NALF1: variants seen among roughly 807,000 people sequenced by gnomAD.
NALF1 encodes the protein family with sequence similarity 155 member A.
In NALF1, 3 loss-of-function variants were observed where a neutral mutation model predicts 48.4. The ratio of observed to expected loss-of-function variants is 0.06; its 90% confidence interval spans 0.03 to 0.16. The LOEUF is 0.16. Among genes scored for constraint, NALF1 ranks in the 10% least tolerant of loss-of-function variants. The pLI is 1.00. For synonymous variants in NALF1, 262 were observed against 245.7 expected (o/e 1.07, Z -0.62); for missense variants, 526 against 571.5 (o/e 0.92, Z 0.81).
chr13:107,437,813 T>C (rs1884487153), intron 1 of NALF1, among the ~76,000 whole-genome samples: 1 of 152,078 alleles, frequency 6.6e-6, no homozygotes, highest in African/African-American at 2.4e-5. Flanking sequence ...CAGTATTAAC[T>C]TAAGATTTGT....
intron 1 of NALF1, among the ~76,000 whole-genome samples, chr13:107,692,770 C>T (rs1881596172): frequency 6.6e-6 from 1 of 152,102 alleles, no homozygotes; most frequent in Admixed American, 6.6e-5. Context: ...TATGGCTATG[C>T]CAAACCAACA....
At chr13:107,331,101 C>G (rs1164902199) in intron 1 of NALF1, among the ~76,000 whole-genome samples, 7 of 152,082 alleles carry the variant, frequency 4.6e-5, no homozygotes, top group Admixed American at 3.9e-4. Context: ...TTTAAATATT[C>G]ACTTTTTCTA....
chr13:107,381,529 C>A (rs1201109955), intron 1 of NALF1, among the ~76,000 whole-genome samples: 1 of 152,108 alleles, frequency 6.6e-6, no homozygotes, highest in Non-Finnish European at 1.5e-5. Flanking sequence ...TATTATAGCC[C>A]TTTCTGCCAC....
chr13:107,609,468 T>C (rs1481232680), intron 1 of NALF1, among the ~76,000 whole-genome samples: 2 of 152,210 alleles, frequency 1.3e-5, no homozygotes, highest in African/African-American at 4.8e-5. Flanking sequence ...GCCTGGCCTC[T>C]GCTCCTGCTC....
intron 1 of NALF1, among the ~76,000 whole-genome samples, chr13:107,861,628 C>T (rs1269279167): frequency 6.6e-6 from 1 of 152,092 alleles, no homozygotes; most frequent in Non-Finnish European, 1.5e-5. Flanking sequence ...ATGAAAAATA[C>T]AAAAAATTAG....
intron 1 of NALF1, among the ~76,000 whole-genome samples, chr13:107,325,849 C>CAT (rs748454208): frequency 7.6e-5 from 4 of 52,632 alleles, no homozygotes; most frequent in African/African-American, 2.7e-4. Flanking sequence ...TCAACACACA[C>CAT]ACACACATAT....
At chr13:107,221,766 G>T (rs191701736) in intron 1 of NALF1, among the ~76,000 whole-genome samples, 5 of 152,000 alleles carry the variant, frequency 3.3e-5, no homozygotes, top group African/African-American at 9.7e-5. Context: ...GACAGGGTGG[G>T]CTTTTAGGTC....
chr13:107,385,552 C>CAAAAAAAAAAAAA (rs201307018), intron 1 of NALF1, among the ~76,000 whole-genome samples: 5 of 118,286 alleles, frequency 4.2e-5, no homozygotes, highest in African/African-American at 6.7e-5. Context: ...GATTCCATCT[C>CAAAAAAAAAAAAA]AAAAAAAAAA....
intron 1 of NALF1, among the ~76,000 whole-genome samples, chr13:107,607,158 A>T (rs2138429154): frequency 6.6e-6 from 1 of 152,350 alleles, no homozygotes; most frequent in African/African-American, 2.4e-5. Flanking sequence ...CCCAAAATGT[A>T]GGAAACCTAA....
In NALF1 at chr13:107,170,317, GTCAATAAAAA is replaced by G; in HGVS notation, c.*170_*179del. The G allele has an allele frequency of 1.8e-6, 1 of 555,756 alleles. No homozygotes were observed. The highest frequency in any genetic ancestry group is 3.2e-6 in the Non-Finnish European group (1 of 317,446). 34.4% of individuals were successfully genotyped at this position (555,756 alleles called of 1,614,324 possible). A position where few individuals can be genotyped will look rare whatever the true frequency, so the allele number is the denominator to read the frequency against. Reference sequence around the variant, plus strand: ...TTTAAAGTCACTTTCCAGCCTTTTAGTCAATAAAAAGCTGTGGTTGTGTCCTTGTTTGGAT... The same window carrying G: ...TTTAAAGTCACTTTCCAGCCTTTTAGGCTGTGGTTGTGTCCTTGTTTGGAT... On this transcript the variant is annotated 3_prime_UTR_variant, in exon 3 of 3. Transcript: ENST00000375915.
At chr13:107,248,256 T>C (rs1039367229) in intron 1 of NALF1, among the ~76,000 whole-genome samples, 2 of 152,094 alleles carry the variant, frequency 1.3e-5, no homozygotes, top group Non-Finnish European at 1.5e-5. Flanking sequence ...CAGGTAATCG[T>C]TGAAATTTGG....
chr13:107,290,647 T>G (rs1266135525), intron 1 of NALF1, among the ~76,000 whole-genome samples: 1 of 152,174 alleles, frequency 6.6e-6, no homozygotes, highest in Non-Finnish European at 1.5e-5. Context: ...AATTATCCAG[T>G]CTCGCGGGTA....
intron 1 of NALF1, among the ~76,000 whole-genome samples, chr13:107,493,672 T>A (rs959289918): frequency 6.6e-6 from 1 of 151,192 alleles, no homozygotes; most frequent in Admixed American, 6.6e-5. Context: ...AGTCCAGGAG[T>A]TCAAGACCAG....
intron 1 of NALF1, among the ~76,000 whole-genome samples, chr13:107,306,890 G>A (rs902191059): frequency 1.3e-5 from 2 of 152,288 alleles, no homozygotes; most frequent in African/African-American, 4.8e-5. Context: ...GCTTGAGCCC[G>A]GGAGGTCGGG....
At chr13:107,727,519 A>C (rs1434516103) in intron 1 of NALF1, among the ~76,000 whole-genome samples, 1 of 152,092 alleles carries the variant, frequency 6.6e-6, no homozygotes, top group African/African-American at 2.4e-5. Context: ...CAGCAGTGGG[A>C]CTCTGCTACA....
intron 1 of NALF1, among the ~76,000 whole-genome samples, chr13:107,838,097 T>C (rs1490311007): frequency 3.3e-5 from 5 of 152,168 alleles, no homozygotes; most frequent in African/African-American, 1.2e-4. Flanking sequence ...GAAGTACTTG[T>C]GAAGGAATGG....
Position 107,165,034 on chromosome 13 carries a change from T to A in NALF1, c.*5463A>T, listed in dbSNP as rs1046848452. 5.3e-5 allele frequency: 8 copies of A among 152,328 alleles called. No homozygotes were observed. Among genetic ancestry groups the A allele is most frequent in the African/African-American group, 1.7e-4 (7 of 41,584 alleles). 9.4% of individuals were successfully genotyped at this position (152,328 alleles called of 1,614,324 possible). ...GAGGTGTCACGTACAAATACATCATTGACCTCCCTGTGTCACCTGGAGCCA... is the reference window on the plus strand; with the variant it reads ...GAGGTGTCACGTACAAATACATCATAGACCTCCCTGTGTCACCTGGAGCCA... On this transcript the variant is annotated 3_prime_UTR_variant, in exon 3 of 3. Coordinates refer to ENST00000375915, the MANE Select transcript of NALF1 (RefSeq NM_001080396.3).
At chr13:107,532,996 C>A (rs1234275607) in intron 1 of NALF1, among the ~76,000 whole-genome samples, 1 of 152,010 alleles carries the variant, frequency 6.6e-6, no homozygotes, top group Non-Finnish European at 1.5e-5. Flanking sequence ...AGAATACATG[C>A]TAAGCTGGAA....
rs188789003 is a variant in NALF1 at position 107,320,792 on chromosome 13, T to G, written c.916-110037A>C. The G allele has an allele frequency of 2.0e-5, 3 of 152,256 alleles. No individual in the cohort carries two copies. The East Asian group carries it at 5.8e-4, about 29-fold the overall frequency. 9.4% of individuals were successfully genotyped at this position (152,256 alleles called of 1,614,324 possible). A position where few individuals can be genotyped will look rare whatever the true frequency, so the allele number is the denominator to read the frequency against. ...AGGTGACCTTAATAATCTTATGATC[T>G]CCAATGCTCCTTTTGGCTGTGAATA... On this transcript the variant is annotated intron_variant, in intron 1 of 2. Coordinates refer to ENST00000375915, the MANE Select transcript of NALF1 (RefSeq NM_001080396.3).
Sources: allele counts gnomAD v4.1 joint callset (sites outside exome capture counted in the v4.1 genomes callset), GRCh38; gene constraint gnomAD v4.1.1; transcripts MANE v1.5; gene names NCBI Gene and HGNC (gene_info 2026-07-23, HGNC 2026-07-21).